TARS3: variants seen among roughly 807,000 people sequenced by gnomAD.
The protein encoded by TARS3 is threonine--tRNA ligase 2, cytoplasmic.
A neutral mutation model predicts 103.5 loss-of-function variants in TARS3; 94 were observed. The ratio of observed to expected loss-of-function variants is 0.91; its 90% CI spans 0.77 to 1.08. TARS3 has a LOEUF of 1.08. TARS3 is among the 50% of genes least tolerant of loss of function. The pLI is 0.00. For synonymous variants in TARS3, 416 were observed against 355.4 expected (o/e 1.17, Z -1.92); for missense variants, 952 against 995.2 (o/e 0.96, Z 0.58).
At chr15:101,721,384 G>A in intron 2 of TARS3, 62 bp from the exon 3 acceptor site, 2 of 1,354,064 alleles carry the variant, frequency 1.5e-6, no homozygotes, top group Non-Finnish European at 2.1e-6. Flanking sequence ...CAGCTGCTCA[G>A]CTCTGAATCA....
intron 15 of TARS3, among the ~76,000 whole-genome samples, chr15:101,662,431 A>G (rs1015455700): frequency 6.6e-6 from 1 of 152,156 alleles, no homozygotes; most frequent in African/African-American, 2.4e-5. Context: ...ATTTTTATCT[A>G]AAAATTATAC....
In TARS3 at chr15:101,708,919, A is replaced by T; in HGVS notation, c.813-9T>A. 6.6e-7 allele frequency: 1 copy of T among 1,524,184 alleles called. No individual in the cohort carries two copies. Among genetic ancestry groups the T allele is most frequent in the Non-Finnish European group, 8.9e-7 (1 of 1,125,090 alleles). The allele number at this position is 1,524,184 out of a possible 1,614,324, so 94.4% of individuals were successfully genotyped here. On this transcript the variant is annotated splice_polypyrimidine_tract_variant and intron_variant, in intron 5 of 18. Transcript: ENST00000335968. ...CTGTGCTGGACACTGCTCTAAAAAG[A>T]AGAGCAGAGAACCGACATCCATCTT...
At chr15:101,703,203 C>T (rs940259645) in intron 8 of TARS3, among the ~76,000 whole-genome samples, 59 of 152,256 alleles carry the variant, frequency 3.9e-4, no homozygotes, top group African/African-American at 1.2e-3. Context: ...TTCTTTATGC[C>T]GCAATACATT....
At chr15:101,687,584 A>C (rs1898529531) in intron 10 of TARS3, among the ~76,000 whole-genome samples, 1 of 152,026 alleles carries the variant, frequency 6.6e-6, no homozygotes, top group Non-Finnish European at 1.5e-5. Context: ...TTTAAAGTCT[A>C]GCTCAGGAGA....
intron 11 of TARS3, among the ~76,000 whole-genome samples, chr15:101,685,285 G>A (rs1217364184): frequency 2.0e-5 from 3 of 152,076 alleles, no homozygotes; most frequent in South Asian, 4.2e-4. Flanking sequence ...TGTCTTACAA[G>A]GTTGAATTTG....
intron 10 of TARS3, among the ~76,000 whole-genome samples, chr15:101,690,863 G>A (rs1318850152): frequency 6.6e-6 from 1 of 151,988 alleles, no homozygotes; most frequent in Non-Finnish European, 1.5e-5. Context: ...CAGATTAGTA[G>A]CAATTTAAAC....
intron 9 of TARS3, 28 bp downstream of exon 9, chr15:101,702,211 T>C: frequency 6.2e-7 from 1 of 1,612,652 alleles, no homozygotes; most frequent in Non-Finnish European, 8.5e-7. Flanking sequence ...TATGATTACA[T>C]CTCCAGTGAT....
chr15:101,686,336 C>A (rs1368223092), intron 10 of TARS3, among the ~76,000 whole-genome samples: 1 of 152,006 alleles, frequency 6.6e-6, no homozygotes, highest in Non-Finnish European at 1.5e-5. Flanking sequence ...AATTGAAATA[C>A]AATATATATA....
At chr15:101,707,660 C>G (rs761125682) in intron 6 of TARS3, among the ~76,000 whole-genome samples, 1 of 150,572 alleles carries the variant, frequency 6.6e-6, no homozygotes, top group Non-Finnish European at 1.5e-5. Flanking sequence ...AATTCAGAGA[C>G]GGAGAGTAGA....
At chr15:101,676,974 G>C (rs528320789) in intron 12 of TARS3, among the ~76,000 whole-genome samples, 9 of 152,026 alleles carry the variant, frequency 5.9e-5, no homozygotes, top group African/African-American at 1.4e-4. Context: ...TCTTCCCTCC[G>C]ACAGGCCCCA....
At chr15:101,696,166 G>A (rs908241978) in intron 10 of TARS3, 2 of 136,670 alleles carry the variant, frequency 1.5e-5, no homozygotes, top group Non-Finnish European at 3.1e-5. Context: ...AGCTGAGATC[G>A]CGTCACGGCA....
chr15:101,703,498 G>A lies in TARS3; in HGVS notation c.1074+361C>T, dbSNP rs144936560. On this transcript the variant is annotated intron_variant, in intron 8 of 18. Coordinates refer to ENST00000335968, the MANE Select transcript of TARS3 (RefSeq NM_152334.3). ...ACAGCTCCTCAGGAGGCTGGGGCAG[G>A]AGAATCGCTTGAACCCAGGAGGCGG... Among the ~76,000 whole-genome samples the A allele has an allele frequency of 3.5e-4, 54 of 152,178 alleles. 1 individual carries two copies. Among genetic ancestry groups the A allele is most frequent in the African/African-American group, 1.2e-3 (48 of 41,516 alleles).
At chr15:101,700,530 T>G (rs1361073186) in intron 10 of TARS3, among the ~76,000 whole-genome samples, 3 of 152,212 alleles carry the variant, frequency 2.0e-5, no homozygotes, top group Non-Finnish European at 4.4e-5. Flanking sequence ...ATATTCTACA[T>G]GGTTTAGAAA....
chr15:101,704,681 A>C (rs7180980), intron 7 of TARS3, among the ~76,000 whole-genome samples: 8 of 150,190 alleles, frequency 5.3e-5, no homozygotes, highest in Non-Finnish European at 1.0e-4. Flanking sequence ...AAAAAAAAAG[A>C]AAGCCATAAA....
chr15:101,712,496 G>A (rs1015899467), intron 4 of TARS3, among the ~76,000 whole-genome samples: 1 of 152,260 alleles, frequency 6.6e-6, no homozygotes. Context: ...AGCAGTCTTC[G>A]TGTGTTGAAT....
chr15:101,688,259 C>T (rs188393780), intron 10 of TARS3, among the ~76,000 whole-genome samples: 20 of 152,234 alleles, frequency 1.3e-4, no homozygotes, highest in African/African-American at 4.6e-4. Flanking sequence ...ATGTTCATTG[C>T]ATTGCATTTT....
chr15:101,717,686 T>C (rs893404846), intron 3 of TARS3, among the ~76,000 whole-genome samples: 4 of 152,216 alleles, frequency 2.6e-5, no homozygotes, highest in South Asian at 4.1e-4. Context: ...AACGGCAACA[T>C]TGTACCAGAC....
chr15:101,724,344 A>G lies in TARS3; in HGVS notation c.44T>C (p.Leu15Pro). The change falls in exon 1 of 19, where the codon CTG becomes CCG. Residue 15 changes from leucine to proline, a missense_variant. Coordinates refer to ENST00000335968, the MANE Select transcript of TARS3 (RefSeq NM_152334.3). ...GCGGATGTCCTCCTCCTGCCGCTCC[A>G]GGCGCGACGCCACGGCCTCCGCCGC... is the stretch of plus-strand genomic sequence containing the variant. ...ALAAEAVASR[L>P]ERQEEDIRWL... 2 of 1,554,372 alleles carry G rather than the reference A, an allele frequency of 1.3e-6. No individual in the cohort carries two copies. Among genetic ancestry groups the G allele is most frequent in the Non-Finnish European group, 1.7e-6 (2 of 1,156,882 alleles).
chr15:101,662,689 A>C (rs1036309570), intron 15 of TARS3, among the ~76,000 whole-genome samples: 27 of 152,232 alleles, frequency 1.8e-4, no homozygotes, highest in Non-Finnish European at 7.3e-5. Flanking sequence ...AGGTATATGA[A>C]GAAATTCATC....
Sources: allele counts gnomAD v4.1 joint callset (sites outside exome capture counted in the v4.1 genomes callset), GRCh38; gene constraint gnomAD v4.1.1; transcripts MANE v1.5; gene names NCBI Gene and HGNC (gene_info 2026-07-23, HGNC 2026-07-21).